HCN1: variants seen among roughly 807,000 people sequenced by gnomAD.
The protein encoded by HCN1 is potassium/sodium hyperpolarization-activated cyclic nucleotide-gated channel 1.
In HCN1, 13 loss-of-function variants were observed where a neutral mutation model predicts 78.9. That is an observed-to-expected ratio of 0.16 (90% CI 0.11 to 0.26). The LOEUF is 0.26. Among genes scored for constraint, HCN1 ranks in the 10% least tolerant of loss-of-function variants. The probability of loss-of-function intolerance (pLI) is 1.00; values close to 1 mark genes in which losing one functional copy is unlikely to be tolerated. For missense variants in HCN1, 810 were observed against 1,154.3 expected (o/e 0.70, Z 4.32); for synonymous variants, 552 against 455.5 (o/e 1.21, Z -2.70).
intron 4 of HCN1, among the ~76,000 whole-genome samples, chr5:45,394,262 A>G (rs1019262732): frequency 6.6e-6 from 1 of 152,146 alleles, no homozygotes; most frequent in Admixed American, 6.6e-5. Context: ...GAGAAGGAAG[A>G]GGAGTGCTAA....
At chr5:45,621,513 C>T (rs1745062085) in intron 2 of HCN1, among the ~76,000 whole-genome samples, 1 of 151,992 alleles carries the variant, frequency 6.6e-6, no homozygotes, top group Non-Finnish European at 1.5e-5. Context: ...AAAAGGTGTC[C>T]TGAATAATTG....
chr5:45,645,061 T>C (rs554136307), intron 2 of HCN1, 124 bp downstream of exon 2: 1 of 694,248 alleles, frequency 1.4e-6, no homozygotes, highest in African/African-American at 1.8e-5. Context: ...AAAAGAGTCG[T>C]CGAATACATT....
At chr5:45,350,324 A>C (rs897481397) in intron 5 of HCN1, among the ~76,000 whole-genome samples, 3 of 152,060 alleles carry the variant, frequency 2.0e-5, no homozygotes, top group Admixed American at 6.6e-5. Context: ...AAATTCAACA[A>C]CTCTTCATGC....
intron 4 of HCN1, among the ~76,000 whole-genome samples, chr5:45,367,939 T>C (rs188555615): frequency 1.5e-3 from 221 of 151,928 alleles, no homozygotes; most frequent in African/African-American, 5.1e-3. Flanking sequence ...AGGAAGTGAA[T>C]TGGCTGTTAT....
intron 4 of HCN1, among the ~76,000 whole-genome samples, chr5:45,394,977 C>T (rs1464953489): frequency 6.6e-6 from 1 of 152,076 alleles, no homozygotes; most frequent in Non-Finnish European, 1.5e-5. Flanking sequence ...TCTTTGCATA[C>T]AAATATCTAT....
chr5:45,424,088 A>C (rs1474623728), intron 3 of HCN1, among the ~76,000 whole-genome samples: 1 of 149,006 alleles, frequency 6.7e-6, no homozygotes. Flanking sequence ...ATCCTGGCTA[A>C]CATGGTGAAA....
intron 2 of HCN1, among the ~76,000 whole-genome samples, chr5:45,533,498 T>G (rs1461795617): frequency 1.3e-5 from 2 of 152,208 alleles, no homozygotes; most frequent in East Asian, 3.9e-4. Context: ...CAGCTCTTCC[T>G]TTGTCAAGGA....
intron 5 of HCN1, among the ~76,000 whole-genome samples, chr5:45,351,236 T>G (rs1746894141): frequency 6.6e-6 from 1 of 151,586 alleles, no homozygotes; most frequent in African/African-American, 2.4e-5. Flanking sequence ...TCTACAACTA[T>G]CTGATCTTTG....
chr5:45,593,733 G>A (rs1744433769), intron 2 of HCN1, among the ~76,000 whole-genome samples: 1 of 151,724 alleles, frequency 6.6e-6, no homozygotes, highest in South Asian at 2.1e-4. Flanking sequence ...GGAGTGCAGT[G>A]GCACAATCTC....
chr5:45,572,275 A>T (rs997813150), intron 2 of HCN1, among the ~76,000 whole-genome samples: 4 of 152,228 alleles, frequency 2.6e-5, no homozygotes, highest in Non-Finnish European at 5.9e-5. Flanking sequence ...CTAATAAAGT[A>T]AATTACAGAA....
At chr5:45,612,023 T>C (rs1259144373) in intron 2 of HCN1, among the ~76,000 whole-genome samples, 2 of 152,192 alleles carry the variant, frequency 1.3e-5, no homozygotes, top group South Asian at 4.1e-4. Context: ...AATATTTGAA[T>C]CCTATTCCAA....
chr5:45,270,356 G>A (rs1158916365), intron 6 of HCN1, among the ~76,000 whole-genome samples: 1 of 152,100 alleles, frequency 6.6e-6, no homozygotes, highest in African/African-American at 2.4e-5. Context: ...GGAATATTTG[G>A]TAAATCGGAA....
chr5:45,605,031 G>A (rs1211431771), intron 2 of HCN1, among the ~76,000 whole-genome samples: 1 of 151,696 alleles, frequency 6.6e-6, no homozygotes, highest in Non-Finnish European at 1.5e-5. Context: ...TATTAACATT[G>A]CAGATTTTAT....
intron 4 of HCN1, among the ~76,000 whole-genome samples, chr5:45,374,572 A>G (rs894873682): frequency 2.0e-5 from 3 of 150,244 alleles, no homozygotes; most frequent in African/African-American, 4.9e-5. Context: ...CCACATTTAT[A>G]AAGAAGTGCT....
chr5:45,613,414 A>T (rs1744882431), intron 2 of HCN1, among the ~76,000 whole-genome samples: 1 of 152,068 alleles, frequency 6.6e-6, no homozygotes, highest in African/African-American at 2.4e-5. Flanking sequence ...CCACAATGAG[A>T]TACCATCTCA....
At chr5:45,667,738 GCTT>G (rs1351235408) in intron 1 of HCN1, among the ~76,000 whole-genome samples, 17 of 151,896 alleles carry the variant, frequency 1.1e-4, no homozygotes, top group Non-Finnish European at 2.2e-4. Context: ...AGGTGATTAA[GCTT>G]TATAGCTCTC....
chr5:45,299,003 A>G (rs1391926587), intron 6 of HCN1, among the ~76,000 whole-genome samples: 2 of 152,054 alleles, frequency 1.3e-5, no homozygotes, highest in East Asian at 3.9e-4. Flanking sequence ...TGAGAAAAGC[A>G]TCAGACAAAT....
intron 1 of HCN1, among the ~76,000 whole-genome samples, chr5:45,665,992 G>A (rs1219412944): frequency 2.6e-5 from 4 of 151,890 alleles, no homozygotes; most frequent in Non-Finnish European, 5.9e-5. Context: ...CTCCCTGTAA[G>A]TACTTGTAAT....
intron 5 of HCN1, among the ~76,000 whole-genome samples, chr5:45,347,560 C>T (rs1444046026): frequency 6.6e-6 from 1 of 152,164 alleles, no homozygotes; most frequent in Non-Finnish European, 1.5e-5. Context: ...GACGATCAAA[C>T]TACTCCGAGC....
Sources: gnomAD v4.1 joint callset for allele counts (sites outside exome capture counted in the v4.1 genomes callset) on GRCh38, gnomAD v4.1.1 for gene constraint, MANE v1.5 for transcripts, NCBI Gene and HGNC (gene_info 2026-07-23, HGNC 2026-07-21) for gene names.